The following TFAP2D variants were observed in gnomAD, a reference collection of about 807,000 sequenced individuals.
TFAP2D encodes the protein transcription factor AP-2 delta.
A neutral mutation model predicts 43.6 loss-of-function variants in TFAP2D; 9 were observed. That is an observed-to-expected ratio of 0.21 (90% confidence interval 0.12 to 0.36). The LOEUF (loss-of-function observed/expected upper bound fraction) is 0.36, where lower values mean the gene tolerates loss of function less well. TFAP2D is among the 10% of genes least tolerant of loss of function. The probability of loss-of-function intolerance (pLI) is 1.00; values close to 1 mark genes in which losing one functional copy is unlikely to be tolerated. For synonymous variants in TFAP2D, 256 were observed against 224.9 expected (o/e 1.14, Z -1.24); for missense variants, 513 against 561.4 (o/e 0.91, Z 0.87).
chr6:50,754,205 A>G (rs540400358), intron 7 of TFAP2D, among the ~76,000 whole-genome samples: 15 of 152,068 alleles, frequency 9.9e-5, no homozygotes, highest in African/African-American at 3.4e-4. Context: ...GACATCTCAT[A>G]TAAGAAGAAT....
intron 5 of TFAP2D, among the ~76,000 whole-genome samples, chr6:50,733,210 A>T (rs752041216): frequency 6.6e-6 from 1 of 152,050 alleles, no homozygotes; most frequent in African/African-American, 2.4e-5. Flanking sequence ...ATTTTGAATG[A>T]GATAGAAATA....
chr6:50,714,512 G>T (rs1161603678), intron 1 of TFAP2D, among the ~76,000 whole-genome samples: 1 of 152,096 alleles, frequency 6.6e-6, no homozygotes, highest in Non-Finnish European at 1.5e-5. Context: ...AAGGGAAGCA[G>T]AAAAGAGGGA....
chr6:50,717,688 T>A (rs1768649260), intron 2 of TFAP2D, among the ~76,000 whole-genome samples: 1 of 152,226 alleles, frequency 6.6e-6, no homozygotes, highest in Admixed American at 6.5e-5. Flanking sequence ...TCATAATATA[T>A]ATCCATCTTT....
At position 50,715,433 on chromosome 6, in the gene TFAP2D, G is replaced by T; in HGVS notation, c.357G>T (p.Ala119=). 6.2e-7 allele frequency: 1 copy of T among 1,614,080 alleles called. No individual in the cohort carries two copies. Among genetic ancestry groups the T allele is most frequent in the South Asian group, 1.1e-5 (1 of 91,082 alleles). The change falls in exon 2 of 8, where the codon GCG becomes GCT. Residue 119 remains alanine, a synonymous_variant. Coordinates refer to ENST00000008391, the MANE Select transcript of TFAP2D (RefSeq NM_172238.4). ...CCGACTTTATTAACCTGCACAATGC[G>T]CGGGCGCTCAAGTCGTCCTGCCTGG... is the stretch of plus-strand genomic sequence containing the variant. ...EPTDFINLHN[A]RALKSSCLDE...
chr6:50,744,758 A>G (rs1769100532), intron 5 of TFAP2D, among the ~76,000 whole-genome samples: 1 of 152,162 alleles, frequency 6.6e-6, no homozygotes. Flanking sequence ...TGACTTGTCC[A>G]TGGGGCCATT....
At chr6:50,721,347 T>C (rs1206864977) in intron 3 of TFAP2D, among the ~76,000 whole-genome samples, 2 of 152,206 alleles carry the variant, frequency 1.3e-5, no homozygotes, top group African/African-American at 4.8e-5. Context: ...GTTTATTCCA[T>C]TTCCACGTGT....
At chr6:50,753,713 A>G (rs1163489608) in intron 7 of TFAP2D, among the ~76,000 whole-genome samples, 1 of 151,864 alleles carries the variant, frequency 6.6e-6, no homozygotes, top group Non-Finnish European at 1.5e-5. Context: ...ACTTTCTAAC[A>G]CTATATATTT....
rs757249232 is a variant in TFAP2D at position 50,772,718 on chromosome 6, ATGCTGAAC to A, written c.1215_1222del (p.Met405IlefsTer87). ...CACTTTCCAAACAGTTCTCAGTGAA[ATGCTGAAC>A]TACTTGGAAAAACACACTACTCACA... On this transcript the variant is annotated frameshift_variant, in exon 8 of 8. Transcript: ENST00000008391. LOFTEE classifies it high-confidence loss of function. 1 of 1,614,172 alleles carries A rather than the reference ATGCTGAAC, an allele frequency of 6.2e-7. No individual in the cohort carries two copies. Among genetic ancestry groups the A allele is most frequent in the South Asian group, 1.1e-5 (1 of 91,090 alleles).
chr6:50,728,888 T>C lies in TFAP2D; in HGVS notation c.631T>C (p.Phe211Leu). The C allele has an allele frequency of 6.2e-7, 1 of 1,614,054 alleles. No homozygotes were observed. The highest frequency in any genetic ancestry group is 8.5e-7 in the Non-Finnish European group (1 of 1,179,916). Residue 211 changes from phenylalanine to leucine, a missense_variant, in exon 4 of 8, where the codon TTT becomes CTT. By Grantham distance (22) the Phe-to-Leu change is conservative. This residue lies in a region of TFAP2D where 311 missense variants were observed against 316.2 expected (regional missense o/e 0.98). Transcript: ENST00000008391. ...GTCVVNPTDL[F>L]CSVPGRLSLL... ...CTGTGTGGTCAACCCCACAGACTTATTTTGCTCTGTCCCTGGCCGTTTGTC... is the reference window on the plus strand; with the variant it reads ...CTGTGTGGTCAACCCCACAGACTTACTTTGCTCTGTCCCTGGCCGTTTGTC...
intron 7 of TFAP2D, among the ~76,000 whole-genome samples, chr6:50,757,767 AAT>A (rs1491385073): frequency 1.9e-5 from 2 of 104,972 alleles, no homozygotes; most frequent in Non-Finnish European, 3.6e-5. Context: ...ATATATATAG[AAT>A]ATATATAATT....
At chr6:50,734,004 G>A (rs1010418089) in intron 5 of TFAP2D, among the ~76,000 whole-genome samples, 12 of 151,836 alleles carry the variant, frequency 7.9e-5, no homozygotes, top group Non-Finnish European at 1.2e-4. Flanking sequence ...GTGTGTGTGT[G>A]TGTGTGTGTG....
chr6:50,733,686 T>G (rs1768924130), intron 5 of TFAP2D, among the ~76,000 whole-genome samples: 1 of 152,112 alleles, frequency 6.6e-6, no homozygotes, highest in Non-Finnish European at 1.5e-5. Context: ...GAGTTGGTGG[T>G]TATTCAAATA....
At position 50,754,053 on chromosome 6, in the gene TFAP2D, CATT is replaced by C. The variant is rs957764176; in HGVS notation, c.1139+2730_1139+2732del. ...AATTCTGTAGTGTCAAGCATATTCT[CATT>C]GTTGTATAACCAATCTCCACAACTT... On this transcript the variant is annotated intron_variant, in intron 7 of 7. Coordinates refer to ENST00000008391, the MANE Select transcript of TFAP2D (RefSeq NM_172238.4). Among the ~76,000 whole-genome samples, 13 of 152,022 alleles carry C rather than the reference CATT, an allele frequency of 8.6e-5. No homozygotes were observed. The East Asian group carries it at 1.5e-3, about 18-fold the overall frequency.
intron 7 of TFAP2D, among the ~76,000 whole-genome samples, chr6:50,758,243 T>C (rs1236136645): frequency 2.6e-5 from 4 of 151,984 alleles, no homozygotes; most frequent in Admixed American, 6.6e-5. Flanking sequence ...ATTTTCTTCA[T>C]TGATTCTCAG....
At chr6:50,737,466 T>C (rs76092382) in intron 5 of TFAP2D, among the ~76,000 whole-genome samples, 6,843 of 152,270 alleles carry the variant, frequency 0.045, 216 homozygotes, top group Non-Finnish European at 0.065. Context: ...TTAATATAAG[T>C]TTAAATAAAT....
At chr6:50,766,429 T>C (rs1769441860) in intron 7 of TFAP2D, among the ~76,000 whole-genome samples, 1 of 152,116 alleles carries the variant, frequency 6.6e-6, no homozygotes, top group African/African-American at 2.4e-5. Flanking sequence ...GGGGTTGCAC[T>C]GAATCCATAG....
At chr6:50,727,855 G>A (rs1768831395) in intron 3 of TFAP2D, among the ~76,000 whole-genome samples, 3 of 152,290 alleles carry the variant, frequency 2.0e-5, no homozygotes, top group Middle Eastern at 6.8e-3. Flanking sequence ...TAGCAGGGTG[G>A]ACATTGGCTC....
chr6:50,769,103 T>C (rs1769486268), intron 7 of TFAP2D, among the ~76,000 whole-genome samples: 3 of 151,926 alleles, frequency 2.0e-5, no homozygotes, highest in Admixed American at 1.3e-4. Context: ...CACCAGTTGC[T>C]CAGGCTGGTC....
At chr6:50,729,856 G>A (rs1768860567) in intron 5 of TFAP2D, among the ~76,000 whole-genome samples, 1 of 152,162 alleles carries the variant, frequency 6.6e-6, no homozygotes, top group Non-Finnish European at 1.5e-5. Context: ...AGGTTAACCA[G>A]TAGTATAGAA....
Sources: allele counts gnomAD v4.1 joint callset (sites outside exome capture counted in the v4.1 genomes callset), GRCh38; gene constraint gnomAD v4.1.1; regional missense constraint gnomAD v4.1.1; transcripts MANE v1.5; gene names NCBI Gene and HGNC (gene_info 2026-07-23, HGNC 2026-07-21).